GLDC: variants seen among roughly 807,000 people sequenced by gnomAD.
The protein encoded by GLDC is glycine decarboxylase.
In GLDC, 104 loss-of-function variants were observed where a neutral mutation model predicts 121.3. The observed-to-expected ratio is 0.86, with a 90% CI of 0.73 to 1.01. The LOEUF (loss-of-function observed/expected upper bound fraction) is 1.01, where lower values mean the gene tolerates loss of function less well. Among genes scored for constraint, GLDC ranks in the 50% least tolerant of loss-of-function variants. The pLI is 0.00. For missense variants in GLDC, 1,429 were observed against 1,306.6 expected (o/e 1.09, Z -1.44); for synonymous variants, 546 against 480.6 (o/e 1.14, Z -1.78).
chr9:6,620,122 G>A, intron 3 of GLDC, 62 bp downstream of exon 3: 2 of 1,526,640 alleles, frequency 1.3e-6, no homozygotes, highest in Non-Finnish European at 1.8e-6. Context: ...GGGGACAGAT[G>A]GAGGATGGAG....
intron 4 of GLDC, among the ~76,000 whole-genome samples, chr9:6,609,671 C>G (rs1489079401): frequency 6.6e-6 from 1 of 152,038 alleles, no homozygotes; most frequent in Non-Finnish European, 1.5e-5. Context: ...TTGAGCTTCC[C>G]CCTCCCCTGC....
chr9:6,545,256 C>T (rs1385373514), intron 21 of GLDC, among the ~76,000 whole-genome samples: 3 of 152,142 alleles, frequency 2.0e-5, no homozygotes, highest in African/African-American at 4.8e-5. Context: ...GCATGGTGTA[C>T]TTACATAAAC....
chr9:6,570,888 G>GT (rs1325850745), intron 15 of GLDC, among the ~76,000 whole-genome samples: 1 of 149,540 alleles, frequency 6.7e-6, no homozygotes, highest in Admixed American at 6.7e-5. Flanking sequence ...CTCGGGGTAT[G>GT]TTTTTAAAAA....
At chr9:6,597,472 A>C (rs919036426) in intron 8 of GLDC, among the ~76,000 whole-genome samples, 14 of 152,218 alleles carry the variant, frequency 9.2e-5, no homozygotes, top group Non-Finnish European at 1.8e-4. Flanking sequence ...GGCTCACACC[A>C]GTGATCCCAA....
intron 17 of GLDC, 133 bp downstream of exon 17, chr9:6,558,426 T>C (rs1443580833): frequency 4.8e-6 from 5 of 1,032,712 alleles, no homozygotes; most frequent in Non-Finnish European, 7.6e-6. Context: ...TAGAGTAGAC[T>C]CTGGTCAAAG....
Position 6,558,555 on chromosome 9 carries a change from G to C in GLDC, c.2052+4C>G. ...CTCCCATCTGCTAAGGAGAAGACAA[G>C]TACCATGGCCTTGAGGTGAACTGCA... On this transcript the variant is annotated splice_donor_region_variant and intron_variant, in intron 17 of 24. Transcript: ENST00000321612. 6.2e-7 allele frequency: 1 copy of C among 1,614,134 alleles called. No homozygotes were observed. The highest frequency in any genetic ancestry group is 8.5e-7 in the Non-Finnish European group (1 of 1,180,006).
At chr9:6,606,526 G>T in intron 5 of GLDC, 66 bp downstream of exon 5, 1 of 990,500 alleles carries the variant, frequency 1.0e-6, no homozygotes, top group Middle Eastern at 2.1e-4. Flanking sequence ...AAGTGAGAAA[G>T]AGAAAGAAAC....
At chr9:6,642,970 C>G (rs1050172471) in intron 2 of GLDC, among the ~76,000 whole-genome samples, 2 of 151,876 alleles carry the variant, frequency 1.3e-5, no homozygotes, top group Non-Finnish European at 2.9e-5. Flanking sequence ...GCCATCTTGG[C>G]TCGCTGCAAC....
At position 6,553,410 on chromosome 9, in the gene GLDC, C is replaced by T; in HGVS notation, c.2415G>A (p.Trp805Ter). The change falls in exon 20 of 25, where the codon TGG becomes TGA. Residue 805 changes from tryptophan (W) to a stop codon, truncating the protein, a stop_gained. Coordinates refer to ENST00000321612, the MANE Select transcript of GLDC (RefSeq NM_000170.3). LOFTEE classifies it high-confidence loss of function. ...AAATGGGCAAGATGGAACTGGAGCCCCATGGGGCCGCACTGACGGTTCCCA... is the reference window on the plus strand; with the variant it reads ...AAATGGGCAAGATGGAACTGGAGCCTCATGGGGCCGCACTGACGGTTCCCA... ...CPVGTVSAAP[W>*]GSSSILPISW... 1 of 1,613,998 alleles carries T rather than the reference C, an allele frequency of 6.2e-7. No homozygotes were observed. The highest frequency in any genetic ancestry group is 8.5e-7 in the Non-Finnish European group (1 of 1,179,902).
intron 21 of GLDC, among the ~76,000 whole-genome samples, chr9:6,549,411 C>T (rs529817020): frequency 3.3e-5 from 5 of 152,236 alleles, no homozygotes; most frequent in Admixed American, 6.5e-5. Flanking sequence ...TGGAGCCACA[C>T]GGCAGCAGGA....
rs1335539399 is a variant in GLDC at position 6,533,083 on chromosome 9, A to C, written c.2997T>G (p.Val999=). The C allele has an allele frequency of 6.2e-7, 1 of 1,612,006 alleles. No individual in the cohort carries two copies. Among genetic ancestry groups the C allele is most frequent in the East Asian group, 2.2e-5 (1 of 44,874 alleles). The change falls in exon 25 of 25, where the codon GTT becomes GTG. Residue 999 remains valine (V), a synonymous_variant. Coordinates refer to ENST00000321612, the MANE Select transcript of GLDC (RefSeq NM_000170.3). ...IDDIYGDQHL[V]CTCPPMEVYE... ...AAACTTCCATGGGTGGGCAGGTACA[A>C]ACCAGGTGCTGATCTCCATATATGT...
intron 16 of GLDC, among the ~76,000 whole-genome samples, chr9:6,560,766 C>T (rs1817738924): frequency 6.6e-6 from 1 of 152,234 alleles, no homozygotes; most frequent in South Asian, 2.1e-4. Context: ...CTCCCAAAGA[C>T]ATCCCTGTCC....
intron 7 of GLDC, among the ~76,000 whole-genome samples, chr9:6,602,952 G>A (rs537402670): frequency 1.8e-4 from 28 of 152,144 alleles, no homozygotes; most frequent in South Asian, 6.2e-4. Context: ...TATGAGCCGC[G>A]CATGGTGGCT....
chr9:6,589,412 C>CTAAT (rs548146185), intron 11 of GLDC, 120 bp from the exon 12 acceptor site: 18 of 454,314 alleles, frequency 4.0e-5, no homozygotes, highest in African/African-American at 3.1e-4. Context: ...TATAATTTTA[C>CTAAT]TTATTTATTT....
At chr9:6,544,069 T>C (rs1817332599) in intron 21 of GLDC, among the ~76,000 whole-genome samples, 1 of 152,080 alleles carries the variant, frequency 6.6e-6, no homozygotes, top group Admixed American at 6.6e-5. Flanking sequence ...TTATCCCCCA[T>C]CCTCAAGGCG....
chr9:6,577,000 T>C (rs1163714675), intron 15 of GLDC, among the ~76,000 whole-genome samples: 1 of 152,192 alleles, frequency 6.6e-6, no homozygotes, highest in Non-Finnish European at 1.5e-5. Context: ...GAATTCTCTC[T>C]TAGAAAGAAA....
intron 2 of GLDC, among the ~76,000 whole-genome samples, chr9:6,624,929 A>T (rs1392795421): frequency 6.6e-6 from 1 of 151,784 alleles, no homozygotes; most frequent in East Asian, 1.9e-4. Flanking sequence ...CGGAGATTGC[A>T]GTGAGCTGAG....
rs778298626 is a variant in GLDC at position 6,556,247 on chromosome 9, T to C, written c.2108A>G (p.Asn703Ser). 2.5e-6 allele frequency: 4 copies of C among 1,612,456 alleles called. No individual in the cohort carries two copies. The highest frequency in any genetic ancestry group is 2.5e-6 in the Non-Finnish European group (3 of 1,178,548). ...ACTGATGTTCTCTTCAAACACCCCA[T>C]TGGTGGATGGGTATGTAATCATGAT... ...AAIMITYPST[N>S]GVFEENISDV... The change falls in exon 18 of 25, where the codon AAT becomes AGT. Residue 703 changes from asparagine (N) to serine (S), a missense_variant. Asn to Ser is a conservative substitution (Grantham distance 46, BLOSUM62 1). Coordinates refer to ENST00000321612, the MANE Select transcript of GLDC (RefSeq NM_000170.3).
chr9:6,547,096 T>C (rs1817410293), intron 21 of GLDC, among the ~76,000 whole-genome samples: 1 of 152,164 alleles, frequency 6.6e-6, no homozygotes, highest in African/African-American at 2.4e-5. Context: ...ACAACCCGCC[T>C]CAGCCTTCCA....
Sources: gnomAD v4.1 joint callset for allele counts (sites outside exome capture counted in the v4.1 genomes callset) on GRCh38, gnomAD v4.1.1 for gene constraint, MANE v1.5 for transcripts, NCBI Gene and HGNC (gene_info 2026-07-23, HGNC 2026-07-21) for gene names.